The following TYW1 variants were observed in gnomAD, a reference collection of about 807,000 sequenced individuals.
TYW1 encodes the protein S-adenosyl-L-methionine-dependent tRNA 4-demethylwyosine synthase TYW1.
TYW1 carries 46 observed loss-of-function variants against 96.2 expected under a neutral mutation model. The ratio of observed to expected loss-of-function variants is 0.48; its 90% CI spans 0.38 to 0.61. The LOEUF (loss-of-function observed/expected upper bound fraction) is 0.61, where lower values mean the gene tolerates loss of function less well. Among genes scored for constraint, TYW1 ranks in the 20% least tolerant of loss-of-function variants. TYW1 has a pLI of 0.00. For missense variants in TYW1, 684 were observed against 909.6 expected, an observed-to-expected ratio of 0.75 and a Z score of 3.19; for synonymous variants, 274 against 323.0, an observed-to-expected ratio of 0.85 and a Z score of 1.63.
rs547450061 is a variant in TYW1 at position 66,998,136 on chromosome 7, T to C, written c.76T>C (p.Leu26=). ...SLWINRFYIY[L]GFAVSISLWI... is the part of the protein sequence containing the mutation. ...ATGGATAAACAGGTTTTACATTTAT[T>C]TGGGCTTTGCTGTTAGCATTAGCCT... is the stretch of plus-strand genomic sequence containing the variant. The change falls in exon 2 of 16, where the codon TTG becomes CTG. Residue 26 remains leucine (L), a synonymous_variant. Transcript: ENST00000359626. 1.5e-5 allele frequency: 24 copies of C among 1,613,466 alleles called. No individual in the cohort carries two copies. In the African/African-American group the frequency reaches 2.7e-4, roughly 18 times the overall value.
intron 6 of TYW1, among the ~76,000 whole-genome samples, chr7:67,024,679 G>C (rs1389287203): frequency 1.3e-5 from 2 of 152,002 alleles, no homozygotes; most frequent in African/African-American, 2.4e-5. Flanking sequence ...TACTTGGGAG[G>C]CTGAGGCAGG....
At chr7:67,043,375 T>TTC (rs1554351454) in intron 7 of TYW1, among the ~76,000 whole-genome samples, 11 of 150,324 alleles carry the variant, frequency 7.3e-5, no homozygotes, top group African/African-American at 2.7e-4. Context: ...TTTTTTTTTT[T>TTC]CCTGCAGTAA....
chr7:67,087,485 A>G (rs1796582752), intron 11 of TYW1, among the ~76,000 whole-genome samples: 1 of 152,232 alleles, frequency 6.6e-6, no homozygotes, highest in African/African-American at 2.4e-5. Flanking sequence ...ATTAGAATGC[A>G]TAAGATGGAA....
chr7:67,130,527 G>A (rs1168942535), intron 13 of TYW1, among the ~76,000 whole-genome samples: 1 of 151,632 alleles, frequency 6.6e-6, no homozygotes, highest in Non-Finnish European at 1.5e-5. Flanking sequence ...CAAAAAATTA[G>A]CTGAGCATGG....
intron 11 of TYW1, among the ~76,000 whole-genome samples, chr7:67,091,835 AT>A (rs1180795346): frequency 2.0e-5 from 3 of 152,026 alleles, no homozygotes; most frequent in Non-Finnish European, 4.4e-5. Context: ...ATCATCAAGA[AT>A]TTTTTTTGTC....
At position 67,009,701 on chromosome 7, in the gene TYW1, T is replaced by G; in HGVS notation, c.375+17T>G. The G allele has an allele frequency of 6.3e-7, 1 of 1,576,892 alleles. No individual in the cohort carries two copies. The highest frequency in any genetic ancestry group is 8.6e-7 in the Non-Finnish European group (1 of 1,163,814). ...ATAGAAGAGGTTGGTAATTGTCTTT[T>G]TCTTCAGTCAAAACTCTCAAATTTA... On this transcript the variant is annotated intron_variant, in intron 4 of 15. Coordinates refer to ENST00000359626, the MANE Select transcript of TYW1 (RefSeq NM_018264.4).
intron 13 of TYW1, among the ~76,000 whole-genome samples, chr7:67,171,299 A>G (rs3107871): frequency 0.28 from 42,726 of 151,906 alleles, 6,524 homozygotes; most frequent in African/African-American, 0.4. Flanking sequence ...GTCTAGCTAA[A>G]GGTCCGTTTA....
In TYW1 at chr7:67,117,557, G is replaced by T. The variant is rs781635486; in HGVS notation, c.1637G>T (p.Arg546Leu). 1 of 1,613,962 alleles carries T rather than the reference G, an allele frequency of 6.2e-7. No individual in the cohort carries two copies. The highest frequency in any genetic ancestry group is 8.5e-7 in the Non-Finnish European group (1 of 1,179,962). ...STKDSLKKIDRPLFKDFWQRF... is the reference protein window; with the variant it reads ...STKDSLKKIDLPLFKDFWQRF... ...AAAGACAGCCTGAAGAAAATCGACC[G>T]CCCACTCTTCAAGGATTTCTGGCAG... Residue 546 changes from arginine to leucine, a missense_variant, in exon 13 of 16, where the codon CGC becomes CTC. Physicochemically the swap from Arg to Leu is moderately radical, Grantham distance 102. Coordinates refer to ENST00000359626, the MANE Select transcript of TYW1 (RefSeq NM_018264.4).
chr7:67,177,952 G>A (rs1287744878), intron 13 of TYW1, among the ~76,000 whole-genome samples: 1 of 145,764 alleles, frequency 6.9e-6, no homozygotes, highest in East Asian at 2.0e-4. Flanking sequence ...CCAAGAGTTC[G>A]AGACCAGCCT....
chr7:67,208,625 G>A (rs1414014715), intron 15 of TYW1, among the ~76,000 whole-genome samples: 1 of 150,510 alleles, frequency 6.6e-6, no homozygotes, highest in Non-Finnish European at 1.5e-5. Flanking sequence ...GTGAGGCGGA[G>A]GTTGCAGTGA....
chr7:67,119,259 A>G (rs1347839184), intron 13 of TYW1, among the ~76,000 whole-genome samples: 2 of 151,942 alleles, frequency 1.3e-5, no homozygotes, highest in African/African-American at 2.4e-5. Flanking sequence ...GGCATCTGAG[A>G]TCTGCTTGTT....
chr7:67,013,407 G>A (rs1793885878), intron 4 of TYW1, among the ~76,000 whole-genome samples: 1 of 152,136 alleles, frequency 6.6e-6, no homozygotes, highest in Admixed American at 6.6e-5. Context: ...ACAGGTATGA[G>A]CCACTGGGCC....
At chr7:67,082,698 C>A (rs568292836) in intron 10 of TYW1, among the ~76,000 whole-genome samples, 2 of 151,740 alleles carry the variant, frequency 1.3e-5, no homozygotes, top group Non-Finnish European at 2.9e-5. Context: ...TGGGCCCTGG[C>A]GTTGTGTCTG....
At chr7:67,051,723 T>G (rs1795363376) in intron 8 of TYW1, among the ~76,000 whole-genome samples, 2 of 136,218 alleles carry the variant, frequency 1.5e-5, no homozygotes, top group Admixed American at 1.6e-4. Flanking sequence ...GGACTGTTTT[T>G]GTTTTTTTGT....
intron 3 of TYW1, among the ~76,000 whole-genome samples, chr7:67,007,948 T>A (rs1375378258): frequency 2.0e-5 from 3 of 152,096 alleles, no homozygotes; most frequent in African/African-American, 7.2e-5. Context: ...CTGTCCTTTT[T>A]CTATACCAGT....
At chr7:67,054,814 G>T (rs1337615104) in intron 8 of TYW1, among the ~76,000 whole-genome samples, 1 of 152,160 alleles carries the variant, frequency 6.6e-6, no homozygotes. Flanking sequence ...TGTACTACTT[G>T]TTTGTACTAC....
At chr7:67,084,502 G>A (rs1235102018) in intron 11 of TYW1, among the ~76,000 whole-genome samples, 1 of 151,634 alleles carries the variant, frequency 6.6e-6, no homozygotes, top group South Asian at 2.1e-4. Context: ...GTAAGCCCAA[G>A]AGTATGCTTT....
intron 15 of TYW1, among the ~76,000 whole-genome samples, chr7:67,231,267 G>A (rs532933670): frequency 6.6e-6 from 1 of 152,220 alleles, no homozygotes; most frequent in South Asian, 2.1e-4. Context: ...AGATGCATTG[G>A]ATTTGCTATC....
At chr7:67,104,084 G>A (rs1797169145) in intron 12 of TYW1, among the ~76,000 whole-genome samples, 1 of 152,014 alleles carries the variant, frequency 6.6e-6, no homozygotes, top group South Asian at 2.1e-4. Flanking sequence ...CTTTTCAGGG[G>A]AATCTAGACT....
Sources: allele counts gnomAD v4.1 joint callset (sites outside exome capture counted in the v4.1 genomes callset), GRCh38; gene constraint gnomAD v4.1.1; transcripts MANE v1.5; gene names NCBI Gene and HGNC (gene_info 2026-07-23, HGNC 2026-07-21).